GPR107: variants seen among roughly 807,000 people sequenced by gnomAD.
GPR107 encodes the protein protein GPR107.
GPR107 carries 31 observed loss-of-function variants against 75.5 expected under a neutral mutation model. The ratio of observed to expected loss-of-function variants is 0.41; its 90% CI spans 0.31 to 0.55. The LOEUF is 0.55. Among genes scored for constraint, GPR107 ranks in the 20% least tolerant of loss-of-function variants. The pLI is 0.26. For missense variants in GPR107, 572 were observed against 665.7 expected, an observed-to-expected ratio of 0.86 and a Z score of 1.55; for synonymous variants, 267 against 251.3, an observed-to-expected ratio of 1.06 and a Z score of -0.59.
intron 1 of GPR107, among the ~76,000 whole-genome samples, chr9:130,067,772 TCTCA>T (rs1201039792): frequency 2.0e-5 from 2 of 99,018 alleles, no homozygotes; most frequent in Non-Finnish European, 3.6e-5. Flanking sequence ...TTTGAGACAG[TCTCA>T]CTCTGTCATC....
At chr9:130,075,160 G>A (rs1830311717) in intron 1 of GPR107, among the ~76,000 whole-genome samples, 1 of 151,808 alleles carries the variant, frequency 6.6e-6, no homozygotes, top group Admixed American at 6.6e-5. Context: ...TACCACAGCT[G>A]TGTATGTTAC....
At chr9:130,118,813 A>G (rs1335945686) in intron 14 of GPR107, among the ~76,000 whole-genome samples, 1 of 152,190 alleles carries the variant, frequency 6.6e-6, no homozygotes, top group Admixed American at 6.5e-5. Flanking sequence ...AACCATTGCT[A>G]TAAAGGAATT....
chr9:130,075,535 C>G (rs909353898), intron 1 of GPR107, 101 bp from the exon 2 acceptor site: 3 of 638,416 alleles, frequency 4.7e-6, no homozygotes, highest in Middle Eastern at 3.0e-4. Context: ...CTTGAGCCAC[C>G]GTGCCCAGCC....
intron 13 of GPR107, among the ~76,000 whole-genome samples, chr9:130,105,977 C>T (rs970636010): frequency 6.6e-6 from 1 of 152,108 alleles, no homozygotes; most frequent in Non-Finnish European, 1.5e-5. Flanking sequence ...AATGACTCTT[C>T]CTCCTCACTG....
chr9:130,131,165 G>T (rs782766369), intron 17 of GPR107, among the ~76,000 whole-genome samples: 1 of 152,166 alleles, frequency 6.6e-6, no homozygotes, highest in Non-Finnish European at 1.5e-5. Context: ...CCCCACCGCC[G>T]TATGTTCCTG....
chr9:130,127,207 G>A (rs1460892246), intron 15 of GPR107, among the ~76,000 whole-genome samples: 1 of 152,138 alleles, frequency 6.6e-6, no homozygotes, highest in Non-Finnish European at 1.5e-5. Context: ...GGTGAGGAAG[G>A]GTTAAGAACA....
At chr9:130,102,389 C>G (rs1186879231) in intron 12 of GPR107, among the ~76,000 whole-genome samples, 1 of 152,188 alleles carries the variant, frequency 6.6e-6, no homozygotes, top group East Asian at 1.9e-4. Context: ...CCTCTAGAGT[C>G]TCCCCCCACC....
chr9:130,085,568 CT>C (rs1830594183), intron 6 of GPR107, among the ~76,000 whole-genome samples: 1 of 152,024 alleles, frequency 6.6e-6, no homozygotes, highest in South Asian at 2.1e-4. Flanking sequence ...TGTAAGCCCC[CT>C]GTCCCCAAGC....
At chr9:130,107,238 T>A (rs1168629648) in intron 13 of GPR107, among the ~76,000 whole-genome samples, 1 of 151,538 alleles carries the variant, frequency 6.6e-6, no homozygotes, top group African/African-American at 2.4e-5. Context: ...AATGATGGAG[T>A]TTTGTTTTCT....
In GPR107 at chr9:130,100,666, T is replaced by G. The variant is rs143647497; in HGVS notation, c.977T>G (p.Ile326Ser). The G allele has an allele frequency of 1.0e-4, 167 of 1,613,326 alleles. No homozygotes were observed. Among genetic ancestry groups the G allele is most frequent in the Non-Finnish European group, 1.4e-4 (160 of 1,179,296 alleles). The change falls in exon 11 of 18, where the codon ATC becomes AGC. Residue 326 changes from isoleucine (I) to serine (S), a missense_variant. Transcript: ENST00000347136. ...TACATCTCCTCCCAGGGCTTCCCTA[T>G]CGAAGGCTGGGCTGTTGTGTACTAC... ...YHYISSQGFP[I>S]EGWAVVYYIT...
chr9:130,128,792 C>A lies in GPR107; in HGVS notation c.1562+31C>A, dbSNP rs1002384946. ...AAATCTTTCTTCCCTCTTCCTTAGCCCTGACCCCTTTGCCTAACACAAAGC... is the reference window on the plus strand; with the variant it reads ...AAATCTTTCTTCCCTCTTCCTTAGCACTGACCCCTTTGCCTAACACAAAGC... On this transcript the variant is annotated intron_variant, in intron 17 of 17. Transcript: ENST00000347136. The A allele has an allele frequency of 1.9e-6, 3 of 1,608,358 alleles. No individual in the cohort carries two copies. In the African/African-American group the frequency reaches 4.0e-5, roughly 22 times the overall value.
intron 9 of GPR107, among the ~76,000 whole-genome samples, chr9:130,098,171 T>C (rs999505304): frequency 6.6e-6 from 1 of 152,310 alleles, no homozygotes; most frequent in Non-Finnish European, 1.5e-5. Context: ...CATGAGCCAC[T>C]GCACCTAGCC....
intron 9 of GPR107, among the ~76,000 whole-genome samples, chr9:130,098,834 C>G (rs1184024758): frequency 6.6e-6 from 1 of 152,000 alleles, no homozygotes; most frequent in African/African-American, 2.4e-5. Context: ...GTGGTGAAAC[C>G]CTGTCTCTAC....
chr9:130,126,043 C>T (rs956292237), intron 15 of GPR107, among the ~76,000 whole-genome samples: 9 of 137,814 alleles, frequency 6.5e-5, no homozygotes, highest in East Asian at 2.1e-4. Context: ...GGCGACAGAG[C>T]GAGACTCTGT....
At chr9:130,098,894 G>A (rs1367001593) in intron 9 of GPR107, among the ~76,000 whole-genome samples, 1 of 152,058 alleles carries the variant, frequency 6.6e-6, no homozygotes, top group African/African-American at 2.4e-5. Context: ...TGTAATCCCG[G>A]CTACTCAGGA....
At position 130,076,463 on chromosome 9, in the gene GPR107, G is replaced by A. The variant is rs778491780; in HGVS notation, c.306+1G>A. On this transcript the variant is annotated splice_donor_variant, in intron 3 of 17. Coordinates refer to ENST00000347136, the MANE Select transcript of GPR107 (RefSeq NM_020960.5). LOFTEE classifies it high-confidence loss of function. ...GAATGATGGCTTTTCTTCTTACCTG[G>A]TGAGTATTAAATGTGTGACCTGATT... 6.4e-7 allele frequency: 1 copy of A among 1,560,284 alleles called. No homozygotes were observed. The highest frequency in any genetic ancestry group is 8.8e-7 in the Non-Finnish European group (1 of 1,130,870).
At position 130,101,281 on chromosome 9, in the gene GPR107, C is replaced by T. The variant is rs1303962133; in HGVS notation, c.1131+58C>T. The T allele has an allele frequency of 4.3e-6, 4 of 929,086 alleles. No individual in the cohort carries two copies. In the African/African-American group the frequency reaches 6.5e-5, roughly 15 times the overall value. 57.6% of individuals were successfully genotyped at this position (929,086 alleles called of 1,614,324 possible). On this transcript the variant is annotated intron_variant, in intron 12 of 17. Transcript: ENST00000347136. ...TTTCTTGGCGCTTAGCAGGGCTCAG[C>T]TCCAAGCCTGTATGGGAAGAGGGAG... is the stretch of plus-strand genomic sequence containing the variant.
Position 130,139,791 on chromosome 9 carries a change from T to C in GPR107, c.*4670T>C, listed in dbSNP as rs2132670935. The C allele has an allele frequency of 6.6e-6, 1 of 152,388 alleles. No individual in the cohort carries two copies. The highest frequency in any genetic ancestry group is 1.5e-5 in the Non-Finnish European group (1 of 68,052). The allele number at this position is 152,388 out of a possible 1,614,324, so 9.4% of individuals were successfully genotyped here. A position where few individuals can be genotyped will look rare whatever the true frequency, so the allele number is the denominator to read the frequency against. On this transcript the variant is annotated 3_prime_UTR_variant, in exon 18 of 18. Transcript: ENST00000347136. ...GGTGAGCCTCCAGAAGGTCAGCCTTTGGAGCACGTAAGATACTGTTACAGG... is the reference window on the plus strand; with the variant it reads ...GGTGAGCCTCCAGAAGGTCAGCCTTCGGAGCACGTAAGATACTGTTACAGG...
intron 13 of GPR107, among the ~76,000 whole-genome samples, chr9:130,106,529 G>T (rs891146742): frequency 6.6e-6 from 1 of 151,626 alleles, no homozygotes; most frequent in East Asian, 1.9e-4. Flanking sequence ...CCCAGGAGGC[G>T]GAGGTTGCAG....
Sources: gnomAD v4.1 joint callset for allele counts (sites outside exome capture counted in the v4.1 genomes callset) on GRCh38, gnomAD v4.1.1 for gene constraint, MANE v1.5 for transcripts, NCBI Gene and HGNC (gene_info 2026-07-23, HGNC 2026-07-21) for gene names.